The following HTR1F variants were observed in gnomAD, a reference collection of about 807,000 sequenced individuals.
HTR1F encodes 5-hydroxytryptamine receptor 1F.
Under a neutral mutation model 24.0 loss-of-function variants are expected in HTR1F, and 17 were observed. The ratio of observed to expected loss-of-function variants is 0.71; its 90% CI spans 0.48 to 1.06. The LOEUF is 1.06. Ranked by LOEUF, HTR1F falls within the 50% of genes least tolerant of loss-of-function variation. HTR1F has a pLI of 0.00. For synonymous variants in HTR1F, 186 were observed against 156.8 expected (o/e 1.19, Z -1.39); for missense variants, 391 against 427.8 (o/e 0.91, Z 0.76).
intron 2 of HTR1F, among the ~76,000 whole-genome samples, chr3:87,875,171 C>T (rs1270022002): frequency 6.6e-6 from 1 of 152,120 alleles, no homozygotes; most frequent in Non-Finnish European, 1.5e-5. Flanking sequence ...ACACAGTAGG[C>T]CAGGTGTGAT....
intron 2 of HTR1F, among the ~76,000 whole-genome samples, chr3:87,844,097 C>T (rs934411890): frequency 5.3e-5 from 8 of 150,518 alleles, no homozygotes; most frequent in East Asian, 2.0e-4. Flanking sequence ...CCTGAGGAAT[C>T]GCCACACTGA....
At chr3:87,807,467 T>C (rs1704092488) in intron 1 of HTR1F, among the ~76,000 whole-genome samples, 1 of 152,030 alleles carries the variant, frequency 6.6e-6, no homozygotes, top group Admixed American at 6.6e-5. Context: ...GATTTTTGTA[T>C]GCTGACTTTG....
At chr3:87,833,679 T>C (rs1704627173) in intron 2 of HTR1F, among the ~76,000 whole-genome samples, 1 of 151,842 alleles carries the variant, frequency 6.6e-6, no homozygotes, top group African/African-American at 2.4e-5. Flanking sequence ...AGAGCTAGGG[T>C]TTCACTATAT....
In HTR1F at chr3:87,803,634, G is replaced by C. The variant is rs112523940; in HGVS notation, c.-160+10792G>C. 4.8e-3 allele frequency among the ~76,000 whole-genome samples: 735 copies of C among 152,184 alleles called. 7 individuals are homozygous for C. Among genetic ancestry groups the C allele is most frequent in the Middle Eastern group, 0.01 (3 of 294 alleles). Reference sequence around the variant, plus strand: ...ATAAGATACAAAATATGTACAATTCGTGTTACAGTAGGGAAGTGCTTTCTC... The same window carrying C: ...ATAAGATACAAAATATGTACAATTCCTGTTACAGTAGGGAAGTGCTTTCTC... On this transcript the variant is annotated intron_variant, in intron 1 of 2. Transcript: ENST00000319595.
intron 2 of HTR1F, among the ~76,000 whole-genome samples, chr3:87,893,778 G>A (rs1157013867): frequency 1.3e-5 from 2 of 152,162 alleles, no homozygotes; most frequent in Non-Finnish European, 2.9e-5. Context: ...TCTCTAAGAA[G>A]ACAAAGCAAA....
intron 2 of HTR1F, among the ~76,000 whole-genome samples, chr3:87,907,397 T>A (rs2107340605): frequency 6.6e-6 from 1 of 152,072 alleles, no homozygotes; most frequent in Admixed American, 6.6e-5. Flanking sequence ...TGATTTTTTT[T>A]AGTTCCTTGT....
chr3:87,917,851 C>T (rs1292844231), intron 2 of HTR1F, among the ~76,000 whole-genome samples: 1 of 151,764 alleles, frequency 6.6e-6, no homozygotes, highest in Non-Finnish European at 1.5e-5. Context: ...AAGATGGAAC[C>T]CCTCCCTAAA....
chr3:87,909,541 A>G (rs1171553296), intron 2 of HTR1F, among the ~76,000 whole-genome samples: 1 of 152,106 alleles, frequency 6.6e-6, no homozygotes, highest in African/African-American at 2.4e-5. Context: ...GAAGCCTACT[A>G]GTAACAAACA....
chr3:87,922,895 C>T (rs1231960577), intron 2 of HTR1F, among the ~76,000 whole-genome samples: 5 of 150,130 alleles, frequency 3.3e-5, no homozygotes, highest in Admixed American at 1.3e-4. Flanking sequence ...AGTCATTTCA[C>T]AGTTTTGGGT....
At position 87,974,111 on chromosome 3, in the gene HTR1F, C is replaced by G. The variant is rs1705342817; in HGVS notation, c.-42-16597C>G. On this transcript the variant is annotated intron_variant, in intron 2 of 2. Transcript: ENST00000319595. ...GCTGAAACCTCGTCTGCTCAGCAGG[C>G]AACCAGGGAAACTAATTTCCATGCA... 4.6e-5 allele frequency among the ~76,000 whole-genome samples: 7 copies of G among 152,314 alleles called. No individual in the cohort carries two copies. In the South Asian group the frequency reaches 1.5e-3, roughly 32 times the overall value.
intron 1 of HTR1F, among the ~76,000 whole-genome samples, chr3:87,802,235 CCCTTCCTT>C (rs1207971627): frequency 4.8e-5 from 2 of 41,722 alleles, no homozygotes; most frequent in Admixed American, 2.3e-4. Flanking sequence ...CTCCCTCCCT[CCCTTCCTT>C]CCTTCCTTCC....
chr3:87,843,995 C>G (rs1319158328), intron 2 of HTR1F, among the ~76,000 whole-genome samples: 1 of 150,728 alleles, frequency 6.6e-6, no homozygotes, highest in Admixed American at 6.6e-5. Context: ...CATACGTGTG[C>G]ATGTGTCTTT....
At chr3:87,985,934 G>T (rs1325799494) in intron 2 of HTR1F, among the ~76,000 whole-genome samples, 6 of 152,144 alleles carry the variant, frequency 3.9e-5, no homozygotes, top group Non-Finnish European at 8.8e-5. Context: ...CAACAAATTG[G>T]CAAACATTCA....
intron 2 of HTR1F, among the ~76,000 whole-genome samples, chr3:87,954,969 G>A (rs1197964306): frequency 6.6e-6 from 1 of 151,202 alleles, no homozygotes; most frequent in African/African-American, 2.4e-5. Flanking sequence ...TATTCTGCTT[G>A]GAGAATGTTC....
chr3:87,977,663 C>T (rs1179727416), intron 2 of HTR1F, among the ~76,000 whole-genome samples: 1 of 151,668 alleles, frequency 6.6e-6, no homozygotes, highest in Non-Finnish European at 1.5e-5. Context: ...CCTCATGATC[C>T]GCCCACCTTG....
intron 2 of HTR1F, among the ~76,000 whole-genome samples, chr3:87,917,568 A>G (rs1041101500): frequency 6.6e-6 from 1 of 151,952 alleles, no homozygotes; most frequent in African/African-American, 2.4e-5. Context: ...AAGATCATAC[A>G]AGGCTACAAT....
intron 2 of HTR1F, among the ~76,000 whole-genome samples, chr3:87,977,213 A>G (rs1240495832): frequency 1.3e-5 from 2 of 152,124 alleles, no homozygotes; most frequent in African/African-American, 2.4e-5. Context: ...TTATTTCATA[A>G]CTATTATCAA....
chr3:87,943,445 T>A (rs912964479), intron 2 of HTR1F, among the ~76,000 whole-genome samples: 2 of 152,212 alleles, frequency 1.3e-5, no homozygotes, highest in African/African-American at 4.8e-5. Context: ...ACATGCACTC[T>A]GGCTGGGCCA....
At chr3:87,840,770 T>C (rs1910400) in intron 2 of HTR1F, among the ~76,000 whole-genome samples, 9,187 of 151,984 alleles carry the variant, frequency 0.06, 981 homozygotes, top group African/African-American at 0.2. Context: ...GGAAATTCTG[T>C]CATTTGCAAC....
Sources: allele counts gnomAD v4.1 joint callset (sites outside exome capture counted in the v4.1 genomes callset), GRCh38; gene constraint gnomAD v4.1.1; transcripts MANE v1.5; gene names NCBI Gene and HGNC (gene_info 2026-07-23, HGNC 2026-07-21).